The following TTLL5 variants were observed in gnomAD, a reference collection of about 807,000 sequenced individuals.
TTLL5 encodes the protein tubulin polyglutamylase TTLL5.
Under a neutral mutation model 168.4 loss-of-function variants are expected in TTLL5, and 132 were observed. That is an observed-to-expected ratio of 0.78 (90% CI 0.68 to 0.91). The LOEUF is 0.91. TTLL5 is among the 40% of genes least tolerant of loss of function. The pLI is 0.00. For synonymous variants in TTLL5, 546 were observed against 558.6 expected (o/e 0.98, Z 0.32); for missense variants, 1,545 against 1,581.5 (o/e 0.98, Z 0.39).
rs542162405 is a variant in TTLL5 at position 75,924,908 on chromosome 14, G to A, written c.3823+22684G>A. Among the ~76,000 whole-genome samples, 169 of 150,492 alleles carry A rather than the reference G, an allele frequency of 1.1e-3. 8 individuals carry two copies. The highest frequency in any genetic ancestry group is 3.9e-3 in the African/African-American group (157 of 40,656). On this transcript the variant is annotated intron_variant, in intron 31 of 31. Coordinates refer to ENST00000298832, the MANE Select transcript of TTLL5 (RefSeq NM_015072.5). ...CCCGGATGGGGCGGCTGGTCGGGCG[G>A]GGGGCTGACCCCCCCACCTCCCTCC...
intron 19 of TTLL5, among the ~76,000 whole-genome samples, chr14:75,765,644 C>T (rs999006590): frequency 1.3e-5 from 2 of 152,116 alleles, no homozygotes; most frequent in Non-Finnish European, 2.9e-5. Flanking sequence ...GGGCGAATCG[C>T]TTGAGCCCAG....
intron 28 of TTLL5, among the ~76,000 whole-genome samples, chr14:75,856,773 C>T (rs1339519479): frequency 6.6e-6 from 1 of 151,914 alleles, no homozygotes; most frequent in Non-Finnish European, 1.5e-5. Context: ...ACTACAGGCA[C>T]CCGCCACCAC....
intron 27 of TTLL5, among the ~76,000 whole-genome samples, chr14:75,794,184 A>G (rs1892871558): frequency 6.6e-6 from 1 of 152,182 alleles, no homozygotes; most frequent in East Asian, 1.9e-4. Context: ...CTAATGTGAA[A>G]TAGGAAGCAA....
At chr14:75,824,730 T>TG (rs1895026464) in intron 28 of TTLL5, among the ~76,000 whole-genome samples, 1 of 150,982 alleles carries the variant, frequency 6.6e-6, no homozygotes, top group African/African-American at 2.4e-5. Flanking sequence ...ATTATGTGTT[T>TG]TTTTTTTTTT....
intron 2 of TTLL5, among the ~76,000 whole-genome samples, chr14:75,665,716 G>A (rs189397454): frequency 1.2e-3 from 178 of 152,202 alleles, no homozygotes; most frequent in African/African-American, 4.2e-3. Flanking sequence ...AAATTAGCCG[G>A]GTGTGGTTGT....
chr14:75,719,029 A>T lies in TTLL5; in HGVS notation c.843-706A>T, dbSNP rs569183036. ...AAAGGCACAATTGGTGGAGAGTGGGATGGTGGTAGGGAGTGAGGGGACAGC... is the reference window on the plus strand; with the variant it reads ...AAAGGCACAATTGGTGGAGAGTGGGTTGGTGGTAGGGAGTGAGGGGACAGC... On this transcript the variant is annotated intron_variant, in intron 10 of 31. Transcript: ENST00000298832. Among the ~76,000 whole-genome samples the T allele has an allele frequency of 3.9e-5, 6 of 152,274 alleles. No homozygotes were observed. The East Asian group carries it at 1.2e-3, about 29-fold the overall frequency.
chr14:75,753,006 A>C lies in TTLL5; in HGVS notation c.1550+51A>C, dbSNP rs367788419. The C allele has an allele frequency of 1.1e-4, 173 of 1,536,976 alleles. No homozygotes were observed. The African/African-American group carries it at 2.2e-3, about 19-fold the overall frequency. ...TAGGACTAGATCACAAGATTAACAGAAAGTACATGTCAAAGAAGGAAACAG... is the reference window on the plus strand; with the variant it reads ...TAGGACTAGATCACAAGATTAACAGCAAGTACATGTCAAAGAAGGAAACAG... On this transcript the variant is annotated intron_variant, in intron 18 of 31. Coordinates refer to ENST00000298832, the MANE Select transcript of TTLL5 (RefSeq NM_015072.5).
intron 29 of TTLL5, among the ~76,000 whole-genome samples, chr14:75,880,804 G>A (rs1369763911): frequency 6.6e-6 from 1 of 152,204 alleles, no homozygotes; most frequent in Admixed American, 6.5e-5. Context: ...CTTTAGCAGG[G>A]TCAGGGCTCC....
intron 30 of TTLL5, among the ~76,000 whole-genome samples, chr14:75,898,422 G>A (rs1554955): frequency 0.88 from 134,293 of 152,228 alleles, 59,328 homozygotes; most frequent in South Asian, 0.92. Context: ...CAGGCAGACC[G>A]TGTGAACCCA....
rs947235681 is a variant in TTLL5, at chr14:75,792,558, A to G, written c.2987-358A>G. Among the ~76,000 whole-genome samples, 235 of 28,030 alleles carry G rather than the reference A, an allele frequency of 8.4e-3. 1 individual carries two copies. Among genetic ancestry groups the G allele is most frequent in the African/African-American group, 0.027 (225 of 8,216 alleles). 18.4% of individuals were successfully genotyped at this position (28,030 alleles called of 152,430 possible). A position where few individuals can be genotyped will look rare whatever the true frequency, so the allele number is the denominator to read the frequency against. ...CTGTTGACAAGTACAGTTACATAACAAGAAAAACAAGAATTATAATGAGTT... is the reference window on the plus strand; with the variant it reads ...CTGTTGACAAGTACAGTTACATAACGAGAAAAACAAGAATTATAATGAGTT... On this transcript the variant is annotated intron_variant, in intron 26 of 31. Transcript: ENST00000298832.
intron 31 of TTLL5, among the ~76,000 whole-genome samples, chr14:75,920,775 C>G (rs144521274): frequency 1.3e-5 from 2 of 152,122 alleles, no homozygotes; most frequent in African/African-American, 4.8e-5. Context: ...GTAATGGGAT[C>G]GCTGGATCAA....
chr14:75,674,194 T>G (rs979056744), intron 3 of TTLL5, among the ~76,000 whole-genome samples: 1 of 152,214 alleles, frequency 6.6e-6, no homozygotes, highest in East Asian at 1.9e-4. Context: ...TTTCTCAAAT[T>G]CTGTGTTTTT....
chr14:75,911,123 G>A (rs185910048), intron 31 of TTLL5, among the ~76,000 whole-genome samples: 39 of 152,274 alleles, frequency 2.6e-4, no homozygotes, highest in African/African-American at 8.7e-4. Context: ...CGCCTCCCAG[G>A]TCCAAACAAC....
At chr14:75,798,516 T>C (rs1398266166) in intron 27 of TTLL5, among the ~76,000 whole-genome samples, 2 of 152,086 alleles carry the variant, frequency 1.3e-5, no homozygotes, top group Non-Finnish European at 2.9e-5. Flanking sequence ...TTCAGTTTGG[T>C]TTGTTCTTGT....
intron 31 of TTLL5, among the ~76,000 whole-genome samples, chr14:75,950,874 G>A (rs1213074186): frequency 2.4e-4 from 36 of 152,006 alleles, no homozygotes; most frequent in Non-Finnish European, 2.9e-5. Context: ...AGACTGAGGT[G>A]AGAGGATCAC....
intron 24 of TTLL5, among the ~76,000 whole-genome samples, chr14:75,781,497 G>A (rs1487430610): frequency 1.3e-5 from 2 of 152,044 alleles, no homozygotes; most frequent in African/African-American, 4.8e-5. Context: ...TTAAGTTTTT[G>A]TATGATTCTA....
chr14:75,764,444 A>G (rs1163523375), intron 18 of TTLL5, among the ~76,000 whole-genome samples, 171 bp from the exon 19 acceptor site: 1 of 152,168 alleles, frequency 6.6e-6, no homozygotes, highest in Non-Finnish European at 1.5e-5. Context: ...ATGGGTCACT[A>G]GTGAGGTTTT....
chr14:75,838,234 G>GA (rs1280183598), intron 28 of TTLL5: 3 of 152,064 alleles, frequency 2.0e-5, no homozygotes, highest in Non-Finnish European at 4.4e-5. Flanking sequence ...AATCTTTCCA[G>GA]AAGTAAGAGG....
chr14:75,804,883 C>T lies in TTLL5; in HGVS notation c.3171+11783C>T, dbSNP rs112991398. On this transcript the variant is annotated intron_variant, in intron 27 of 31. Transcript: ENST00000298832. Reference sequence around the variant, plus strand: ...CAGTTGATCTGATCTAATTTCCTAGCTTTTCTAGGTCTTGAGGCTTGAAGC... The same window carrying T: ...CAGTTGATCTGATCTAATTTCCTAGTTTTTCTAGGTCTTGAGGCTTGAAGC... Among the ~76,000 whole-genome samples the T allele has an allele frequency of 9.4e-3, 1,385 of 148,006 alleles. 30 individuals are homozygous for T. Among genetic ancestry groups the T allele is most frequent in the African/African-American group, 0.035 (1,327 of 37,508 alleles).
Sources: gnomAD v4.1 joint callset for allele counts (sites outside exome capture counted in the v4.1 genomes callset) on GRCh38, gnomAD v4.1.1 for gene constraint, MANE v1.5 for transcripts, NCBI Gene and HGNC (gene_info 2026-07-23, HGNC 2026-07-21) for gene names.